The following ANK2 variants were observed in gnomAD, a reference collection of about 807,000 sequenced individuals.
The protein encoded by ANK2 is ankyrin-2.
Under a neutral mutation model 360.5 loss-of-function variants are expected in ANK2, and 83 were observed. The ratio of observed to expected loss-of-function variants is 0.23; its 90% CI spans 0.19 to 0.28. The LOEUF is 0.28. Among genes scored for constraint, ANK2 ranks in the 10% least tolerant of loss-of-function variants. The pLI is 1.00. For missense variants in ANK2, 4,201 were observed against 4,795.7 expected (o/e 0.88, Z 3.66); for synonymous variants, 1,740 against 1,759.5 (o/e 0.99, Z 0.28).
In ANK2 at chr4:113,364,789, C is replaced by G. The variant is rs185401535; in HGVS notation, c.10889-250C>G. Reference sequence around the variant, plus strand: ...TACTAAAGAAGTATTTGCTTTTTATCTGAAATTCAGGTATGGTGGGTGTCC... The same window carrying G: ...TACTAAAGAAGTATTTGCTTTTTATGTGAAATTCAGGTATGGTGGGTGTCC... On this transcript the variant is annotated intron_variant, in intron 40 of 45. Coordinates refer to ENST00000357077, the MANE Select transcript of ANK2 (RefSeq NM_001148.6). Among the ~76,000 whole-genome samples, 3 of 152,286 alleles carry G rather than the reference C, an allele frequency of 2.0e-5. No homozygotes were observed. In the East Asian group the frequency reaches 5.8e-4, roughly 29 times the overall value.
chr4:112,973,516 G>A (rs1302129033), intron 2 of ANK2, among the ~76,000 whole-genome samples: 1 of 152,172 alleles, frequency 6.6e-6, no homozygotes, highest in African/African-American at 2.4e-5. Flanking sequence ...TCTTTACTGA[G>A]TTCAGTTGCA....
the ANK2 span, among the ~76,000 whole-genome samples, chr4:112,801,947 G>A: frequency 7.3e-6 from 1 of 137,244 alleles, no homozygotes; most frequent in Non-Finnish European, 1.6e-5. Context: ...TGAAGGTCTG[G>A]TAGACCATTC....
At chr4:112,825,585 G>A (rs1338071415) in intron 1 of ANK2, among the ~76,000 whole-genome samples, 1 of 152,154 alleles carries the variant, frequency 6.6e-6, no homozygotes, top group Non-Finnish European at 1.5e-5. Flanking sequence ...TTGTAGGGGA[G>A]GAAAGATTTC....
At position 113,355,790 on chromosome 4, in the gene ANK2, C is replaced by T. The variant is rs1348531453; in HGVS notation, c.7172C>T (p.Thr2391Ile). ...ALPLPEASVKTDTGTESKPQG... is the reference protein window; with the variant it reads ...ALPLPEASVKIDTGTESKPQG... ...CCGCTGCCTGAGGCTTCTGTAAAGA[C>T]AGATACAGGAACTGAATCAAAACCT... The change falls in exon 38 of 46, where the codon ACA becomes ATA. Residue 2391 changes from threonine to isoleucine, a missense_variant. Thr to Ile is a moderately conservative substitution (Grantham distance 89). Around this residue, in one of 4 missense-constraint regions of ANK2, gnomAD observed 2,642 missense variants for 2,714.5 expected, o/e 0.97. Coordinates refer to ENST00000357077, the MANE Select transcript of ANK2 (RefSeq NM_001148.6). The T allele has an allele frequency of 3.1e-6, 5 of 1,614,090 alleles. No homozygotes were observed. The Admixed American group carries it at 8.3e-5, about 27-fold the overall frequency.
At chr4:112,810,355 A>T in the ANK2 span, among the ~76,000 whole-genome samples, 1 of 151,756 alleles carries the variant, frequency 6.6e-6, no homozygotes, top group African/African-American at 2.4e-5. Flanking sequence ...GAGCACAGCT[A>T]CAAAATTAAA....
intron 1 of ANK2, among the ~76,000 whole-genome samples, chr4:113,155,417 TAAAG>T (rs1034452930): frequency 6.6e-6 from 1 of 152,178 alleles, no homozygotes; most frequent in African/African-American, 2.4e-5. Flanking sequence ...GCTGGCTCTT[TAAAG>T]AAAGAGATAC....
chr4:113,374,859 T>C, intron 45 of ANK2: 1 of 1,273,850 alleles, frequency 7.9e-7, no homozygotes, highest in Non-Finnish European at 1.0e-6. Context: ...TTAAAACAAC[T>C]GTGGTACTTG....
chr4:113,184,139 A>G (rs552020677), intron 2 of ANK2, among the ~76,000 whole-genome samples: 1 of 151,136 alleles, frequency 6.6e-6, no homozygotes, highest in Non-Finnish European at 1.5e-5. Flanking sequence ...GAAGCTTAAA[A>G]GGGATATTTA....
chr4:112,957,488 A>G (rs2029879211), intron 2 of ANK2, among the ~76,000 whole-genome samples: 1 of 152,010 alleles, frequency 6.6e-6, no homozygotes, highest in Non-Finnish European at 1.5e-5. Context: ...ATTCCACAAA[A>G]CCACCATTGT....
chr4:112,848,489 C>T (rs2063857173), intron 1 of ANK2, among the ~76,000 whole-genome samples: 1 of 152,168 alleles, frequency 6.6e-6, no homozygotes, highest in South Asian at 2.1e-4. Flanking sequence ...AAGAGAATTA[C>T]ATAAAGTACC....
At chr4:112,991,706 C>A (rs1160117635) in intron 2 of ANK2, among the ~76,000 whole-genome samples, 1 of 145,944 alleles carries the variant, frequency 6.9e-6, no homozygotes, top group African/African-American at 2.5e-5. Flanking sequence ...ATTCCGTCCT[C>A]AACTGAACTC....
intron 1 of ANK2, among the ~76,000 whole-genome samples, chr4:113,158,367 A>T (rs970438452): frequency 6.6e-6 from 1 of 152,232 alleles, no homozygotes; most frequent in Non-Finnish European, 1.5e-5. Context: ...CATGATCAGA[A>T]GAGATGGCTT....
chr4:112,905,852 G>T (rs574692798), intron 2 of ANK2, among the ~76,000 whole-genome samples: 21 of 152,068 alleles, frequency 1.4e-4, no homozygotes, highest in South Asian at 2.1e-4. Flanking sequence ...TGTAGAGATG[G>T]GTTCTGACTA....
intron 1 of ANK2, among the ~76,000 whole-genome samples, chr4:113,154,441 A>G (rs1436288704): frequency 6.6e-6 from 1 of 152,184 alleles, no homozygotes; most frequent in Non-Finnish European, 1.5e-5. Flanking sequence ...GTTCTGAATG[A>G]TCTGATCCTT....
At chr4:113,307,772 C>T (rs1044592325) in intron 23 of ANK2, among the ~76,000 whole-genome samples, 1 of 152,178 alleles carries the variant, frequency 6.6e-6, no homozygotes, top group Non-Finnish European at 1.5e-5. Context: ...ATACCACTCA[C>T]TATCACTGAG....
chr4:113,178,549 G>A (rs917560311), intron 2 of ANK2, among the ~76,000 whole-genome samples: 13 of 146,980 alleles, frequency 8.8e-5, no homozygotes, highest in African/African-American at 1.5e-4. Context: ...TCTAGCCTGC[G>A]CGATAGAGTG....
chr4:113,270,670 G>T (rs1458794942), intron 14 of ANK2, among the ~76,000 whole-genome samples: 1 of 151,948 alleles, frequency 6.6e-6, no homozygotes, highest in Non-Finnish European at 1.5e-5. Context: ...CAAAAATACT[G>T]TAGCCTTGTG....
intron 2 of ANK2, among the ~76,000 whole-genome samples, chr4:112,993,331 C>G (rs2047452122): frequency 6.6e-6 from 1 of 152,064 alleles, no homozygotes; most frequent in South Asian, 2.1e-4. Context: ...TAGACAGAGT[C>G]TCGCTCTGTC....
In ANK2 at chr4:112,867,225, A is replaced by G. The variant is rs149329380; in HGVS notation, c.-39-37230A>G. On this transcript the variant is annotated intron_variant, in intron 1 of 30. Transcript: ENST00000503271. ...TTTTTCTACCTTGTGCTCTTATTTTATAAAGGCTATTGCTTTTTAAACTTT... is the reference window on the plus strand; with the variant it reads ...TTTTTCTACCTTGTGCTCTTATTTTGTAAAGGCTATTGCTTTTTAAACTTT... Among the ~76,000 whole-genome samples, 381 of 151,212 alleles carry G rather than the reference A, an allele frequency of 2.5e-3. 1 individual carries two copies. The highest frequency in any genetic ancestry group is 3.6e-3 in the Admixed American group (54 of 15,202).
Sources: allele counts gnomAD v4.1 joint callset (sites outside exome capture counted in the v4.1 genomes callset), GRCh38; gene constraint gnomAD v4.1.1; regional missense constraint gnomAD v4.1.1; transcripts MANE v1.5; gene names NCBI Gene and HGNC (gene_info 2026-07-23, HGNC 2026-07-21).